Variants in CFAP46 observed in about 807,000 individuals in gnomAD.
CFAP46 encodes cilia and flagella associated protein 46.
Under a neutral mutation model 325.7 loss-of-function variants are expected in CFAP46, and 245 were observed. The ratio of observed to expected loss-of-function variants is 0.75; its 90% CI spans 0.68 to 0.84. The LOEUF (loss-of-function observed/expected upper bound fraction) is 0.84. Among genes scored for constraint, CFAP46 ranks in the 40% least tolerant of loss-of-function variants. CFAP46 has a pLI of 0.00. For synonymous variants in CFAP46, 1,523 were observed against 1,495.9 expected (o/e 1.02, Z -0.42); for missense variants, 3,346 against 3,543.0 (o/e 0.94, Z 1.41).
rs1427155787 is a variant in CFAP46, at chr10:132,919,008, T to G, written c.1858+307A>C. Among the ~76,000 whole-genome samples, 1 of 152,166 alleles carries G rather than the reference T, an allele frequency of 6.6e-6. No individual in the cohort carries two copies. Among genetic ancestry groups the G allele is most frequent in the Non-Finnish European group, 1.5e-5 (1 of 68,032 alleles). On this transcript the variant is annotated intron_variant, in intron 15 of 57. Coordinates refer to ENST00000368586, the MANE Select transcript of CFAP46 (RefSeq NM_001200049.3). The surrounding 1 kb of genome is among the most constrained non-coding windows in gnomAD (Gnocchi z 9.7). ...GGGCCTGTGGCCACTGCCCTCTGCC[T>G]GCAGGTGCCCCGCATGGGCATCTGC...
chr10:132,888,117 G>A (rs1475817077), intron 25 of CFAP46, among the ~76,000 whole-genome samples: 1 of 150,388 alleles, frequency 6.6e-6, no homozygotes, highest in Non-Finnish European at 1.5e-5. Flanking sequence ...ATAAGCTTCA[G>A]TGAAGCCTCG....
chr10:132,887,566 T>C (rs1443564927), intron 25 of CFAP46, among the ~76,000 whole-genome samples: 4 of 50,276 alleles, frequency 8.0e-5, no homozygotes, highest in Admixed American at 2.0e-4. Flanking sequence ...TTCTTCTCTC[T>C]CCTCTCCTCT....
chr10:132,857,882 G>C, intron 38 of CFAP46, 94 bp from the exon 39 acceptor site: 1 of 1,107,342 alleles, frequency 9.0e-7, no homozygotes, highest in Admixed American at 2.9e-5. Context: ...TATTTTATTA[G>C]TGCTTAAAAT....
chr10:132,912,347 CTTCTCCTCTCT>C (rs1200825105), intron 19 of CFAP46, among the ~76,000 whole-genome samples: 14 of 136,664 alleles, frequency 1.0e-4, no homozygotes, highest in Admixed American at 3.0e-4. Flanking sequence ...TCTCCTGTCT[CTTCTCCTCTCT>C]TTCTCCTCTC....
At chr10:132,836,075 C>T (rs1476521884) in intron 46 of CFAP46, 67 bp downstream of exon 46, 86 of 1,213,424 alleles carry the variant, frequency 7.1e-5, no homozygotes, top group Admixed American at 2.7e-4. Flanking sequence ...GCCCTGCTCA[C>T]CTCCCCACTC....
In CFAP46 at chr10:132,828,615, G is replaced by A. The variant is rs370829069; in HGVS notation, c.7117+4743C>T. Among the ~76,000 whole-genome samples the A allele has an allele frequency of 1.3e-4, 20 of 152,182 alleles. No individual in the cohort carries two copies. The highest frequency in any genetic ancestry group is 2.5e-4 in the Non-Finnish European group (17 of 68,012). ...GTTATCAGATTCTTCCAGTCTTGGC[G>A]TAACTTTTCATTTTCTTAACAATAT... On this transcript the variant is annotated intron_variant, in intron 50 of 57. Transcript: ENST00000368586. The surrounding 1 kb of genome is among the most constrained non-coding windows in gnomAD (Gnocchi z 4.9).
chr10:132,937,558 A>C lies in CFAP46; in HGVS notation c.654T>G (p.Ser218=). 1 of 1,613,534 alleles carries C rather than the reference A, an allele frequency of 6.2e-7. No individual in the cohort carries two copies. Residue 218 remains serine, a synonymous_variant, in exon 6 of 58, where the codon TCT becomes TCG. Coordinates refer to ENST00000368586, the MANE Select transcript of CFAP46 (RefSeq NM_001200049.3). ...HVPQKYRQIF[S]VMVRHELMDE... is the part of the protein sequence containing the mutation. Reference sequence around the variant, plus strand: ...TTCTAATACGCTGATTTACCATAACAGAGAATATCTGCCGGTATTTCTGTG... The same window carrying C: ...TTCTAATACGCTGATTTACCATAACCGAGAATATCTGCCGGTATTTCTGTG...
At position 132,885,289 on chromosome 10, in the gene CFAP46, A is replaced by G; in HGVS notation, c.3444-3T>C. 1 of 1,541,504 alleles carries G rather than the reference A, an allele frequency of 6.5e-7. No individual in the cohort carries two copies. The highest frequency in any genetic ancestry group is 1.2e-5 in the South Asian group (1 of 83,536). ...TGACCATGTGCTTGAAGATCAAGCT[A>G]AAGAAAGGGAAGGTGAGAAACCAAC... On this transcript the variant is annotated splice_polypyrimidine_tract_variant and splice_region_variant and intron_variant, in intron 26 of 57. Coordinates refer to ENST00000368586, the MANE Select transcript of CFAP46 (RefSeq NM_001200049.3).
intron 18 of CFAP46, 35 bp from the exon 19 acceptor site, chr10:132,912,855 C>A (rs1056965175): frequency 3.2e-6 from 5 of 1,543,482 alleles, no homozygotes; most frequent in Non-Finnish European, 4.4e-6. Context: ...AACCTTGGCC[C>A]CCGCAGGCCT....
chr10:132,937,977 C>T (rs1591102671), intron 5 of CFAP46, among the ~76,000 whole-genome samples: 1 of 152,320 alleles, frequency 6.6e-6, no homozygotes, highest in Non-Finnish European at 1.5e-5. Flanking sequence ...GGGCTTGGTG[C>T]CGAGGGGAGC....
At chr10:132,843,860 C>T (rs1836694878) in intron 44 of CFAP46, among the ~76,000 whole-genome samples, 2 of 105,388 alleles carry the variant, frequency 1.9e-5, no homozygotes, top group South Asian at 7.8e-4. Context: ...TCCCAGGGTG[C>T]TGTGGGGCTC....
chr10:132,891,602 T>C (rs1849255014), intron 25 of CFAP46, among the ~76,000 whole-genome samples: 1 of 152,346 alleles, frequency 6.6e-6, no homozygotes, highest in Admixed American at 6.5e-5. Flanking sequence ...ATCCACATGC[T>C]GTGGAGAATG....
chr10:132,862,792 A>C (rs1405156937), intron 35 of CFAP46, among the ~76,000 whole-genome samples: 3 of 132,664 alleles, frequency 2.3e-5, no homozygotes, highest in Non-Finnish European at 4.7e-5. Context: ...GAGCAGGTTC[A>C]GGAGAGGCTG....
At chr10:132,862,821 G>C (rs576666790) in intron 35 of CFAP46, among the ~76,000 whole-genome samples, 2 of 151,172 alleles carry the variant, frequency 1.3e-5, no homozygotes, top group Non-Finnish European at 3.0e-5. Flanking sequence ...CGGGGCGGCC[G>C]GGCTGCACTG....
Position 132,866,050 on chromosome 10 carries a change from A to T in CFAP46, c.4865T>A (p.Leu1622Gln). ...MNLYQPARLL[L>Q]SEAYLAFQEL... The stretch of plus-strand genomic sequence containing the variant: ...CTGGAAAGCCAGGTAAGCCTCCGAC[A>T]GGAGCAGCCGTGCAGGCTGGTACAG... Residue 1622 changes from leucine to glutamine, a missense_variant, in exon 35 of 58, where the codon CTG becomes CAG. Physicochemically the swap from Leu to Gln is moderately radical, Grantham distance 113 (BLOSUM62 -2). Transcript: ENST00000368586. 2 of 1,525,210 alleles carry T rather than the reference A, an allele frequency of 1.3e-6. No individual in the cohort carries two copies. Among genetic ancestry groups the T allele is most frequent in the Non-Finnish European group, 1.8e-6 (2 of 1,134,708 alleles). The allele number at this position is 1,525,210 out of a possible 1,614,324, so 94.5% of individuals were successfully genotyped here. A position where few individuals can be genotyped will look rare whatever the true frequency, so the allele number is the denominator to read the frequency against.
Position 132,936,911 on chromosome 10 carries a change from C to G in CFAP46, c.755+50G>C, listed in dbSNP as rs1458850870. On this transcript the variant is annotated intron_variant, in intron 7 of 57. Coordinates refer to ENST00000368586, the MANE Select transcript of CFAP46 (RefSeq NM_001200049.3). The stretch of plus-strand genomic sequence containing the variant: ...ATGGAGGGGACAGAGCTCTCCCAAG[C>G]CCAGCACTTGTGAAACTCAGTATTT... 3 of 1,197,356 alleles carry G rather than the reference C, an allele frequency of 2.5e-6. No homozygotes were observed. The East Asian group carries it at 7.6e-5, about 30-fold the overall frequency. The allele number at this position is 1,197,356 out of a possible 1,614,324, so 74.2% of individuals were successfully genotyped here. A position where few individuals can be genotyped will look rare whatever the true frequency, so the allele number is the denominator to read the frequency against.
intron 17 of CFAP46, 34 bp from the exon 18 acceptor site, chr10:132,913,292 G>A (rs765201745): frequency 2.2e-5 from 34 of 1,537,306 alleles, no homozygotes; most frequent in Middle Eastern, 3.4e-4. Flanking sequence ...CCTTAATGCA[G>A]GGTCCCCAGC....
In CFAP46 at chr10:132,876,953, G is replaced by A; in HGVS notation, c.4221C>T (p.Ser1407=). 6.5e-7 allele frequency: 1 copy of A among 1,549,544 alleles called. No homozygotes were observed. Among genetic ancestry groups the A allele is most frequent in the Non-Finnish European group, 8.7e-7 (1 of 1,146,620 alleles). The change falls in exon 31 of 58, where the codon AGC becomes AGT. Residue 1407 remains serine, a synonymous_variant. Coordinates refer to ENST00000368586, the MANE Select transcript of CFAP46 (RefSeq NM_001200049.3). The surrounding 1 kb of genome is among the most constrained non-coding windows in gnomAD (Gnocchi z 4.1). ...CTTCCAGTTGTTTGATAGGAGCTGG[G>A]CTTTGAGACTAGAAAGGCAAGAATA... ...EKVKEPKQSQ[S]PAPIKQLEDL...
Position 132,828,223 on chromosome 10 carries a change from G to A in CFAP46, c.7117+5135C>T, listed in dbSNP as rs1257888424. On this transcript the variant is annotated intron_variant, in intron 50 of 57. Coordinates refer to ENST00000368586, the MANE Select transcript of CFAP46 (RefSeq NM_001200049.3). This position sits in a 1 kb window ranked among gnomAD's most constrained non-coding sequence, Gnocchi z 4.9. Reference sequence around the variant, plus strand: ...TCTCCTTATCTCTTTGGTAGATGGAGTGGAATGACTGCGGCATACAACAGG... The same window carrying A: ...TCTCCTTATCTCTTTGGTAGATGGAATGGAATGACTGCGGCATACAACAGG... Among the ~76,000 whole-genome samples, 3 of 152,370 alleles carry A rather than the reference G, an allele frequency of 2.0e-5. No homozygotes were observed. The East Asian group carries it at 5.8e-4, about 29-fold the overall frequency.
Sources: gnomAD v4.1 joint callset for allele counts (sites outside exome capture counted in the v4.1 genomes callset) on GRCh38, gnomAD v4.1.1 for gene constraint, Gnocchi (gnomAD v3.1) non-coding constraint, MANE v1.5 for transcripts, NCBI Gene and HGNC (gene_info 2026-07-23, HGNC 2026-07-21) for gene names.